The following CSMD1 variants were observed in gnomAD, a reference collection of about 807,000 sequenced individuals.
CSMD1 encodes the protein CUB and Sushi multiple domains 1.
A neutral mutation model predicts 417.5 loss-of-function variants in CSMD1; 213 were observed. The ratio of observed to expected loss-of-function variants is 0.51; its 90% CI spans 0.46 to 0.57. CSMD1 has a LOEUF of 0.57. CSMD1 is among the 20% of genes least tolerant of loss of function. The pLI, the probability that CSMD1 is intolerant of heterozygous loss-of-function variation, is 0.00. For missense variants in CSMD1, 6,923 were observed against 4,529.7 expected (o/e 1.53, Z -15.17); for synonymous variants, 2,862 against 1,736.8 (o/e 1.65, Z -16.11).
intron 49 of CSMD1, among the ~76,000 whole-genome samples, chr8:3,071,423 G>A (rs896159575): frequency 3.9e-5 from 6 of 152,054 alleles, no homozygotes. Flanking sequence ...AACCAAGATG[G>A]TGAGTTGACA....
chr8:4,780,672 A>T (rs190018074), intron 1 of CSMD1, among the ~76,000 whole-genome samples: 12 of 152,226 alleles, frequency 7.9e-5, no homozygotes, highest in Admixed American at 7.9e-4. Context: ...CCATCACCCG[A>T]GTGGTATACA....
chr8:2,997,814 C>T (rs539409923), intron 54 of CSMD1, among the ~76,000 whole-genome samples, 197 bp downstream of exon 54: 2 of 152,262 alleles, frequency 1.3e-5, no homozygotes, highest in East Asian at 3.9e-4. Flanking sequence ...CGTAATTGAA[C>T]ATCTGGCCAC....
rs148464375 is a variant in CSMD1, at chr8:4,970,858, A to AT, written c.85+23473dup. On this transcript the variant is annotated intron_variant, in intron 1 of 69. Transcript: ENST00000635120. ...AATCAAAGTATGGTAGATTTTGAAA[A>AT]TTTTTTCAGTATTTTATTAAGAAAG... Among the ~76,000 whole-genome samples, 881 of 152,096 alleles carry AT rather than the reference A, an allele frequency of 5.8e-3. 8 individuals are homozygous for AT. Among genetic ancestry groups the AT allele is most frequent in the African/African-American group, 0.02 (847 of 41,520 alleles).
At chr8:4,700,460 A>C (rs1807451558) in intron 1 of CSMD1, among the ~76,000 whole-genome samples, 10 of 152,170 alleles carry the variant, frequency 6.6e-5, no homozygotes, top group Admixed American at 6.5e-4. Flanking sequence ...TTGCTTGGAA[A>C]CAACCTGCAT....
chr8:3,495,050 A>G (rs947833197), intron 10 of CSMD1, among the ~76,000 whole-genome samples: 2 of 152,224 alleles, frequency 1.3e-5, no homozygotes, highest in Non-Finnish European at 2.9e-5. Context: ...TATAGCCATT[A>G]TAATTTATTT....
chr8:3,188,923 T>C lies in CSMD1; in HGVS notation c.5487A>G (p.Ile1829Met). Residue 1829 changes from isoleucine (I) to methionine (M), a missense_variant, in exon 35 of 70, where the codon ATA becomes ATG. Physicochemically the swap from Ile to Met is conservative, Grantham distance 10. Coordinates refer to ENST00000635120, the MANE Select transcript of CSMD1 (RefSeq NM_033225.6). The part of the protein sequence containing the change: ...PEPYGNNLNC[I>M]WKIIVTEGSG... ...AGCCCTCCGTAACTATGATCTTCCA[T>C]ATACAGTTCAAGTTGTTTCCGTATG... 6.2e-7 allele frequency: 1 copy of C among 1,605,982 alleles called. No homozygotes were observed. The highest frequency in any genetic ancestry group is 8.5e-7 in the Non-Finnish European group (1 of 1,176,062).
intron 5 of CSMD1, among the ~76,000 whole-genome samples, chr8:3,977,561 T>C (rs1050497437): frequency 8.5e-5 from 13 of 152,198 alleles, no homozygotes; most frequent in Admixed American, 7.9e-4. Flanking sequence ...TTTTTAATAC[T>C]TTGTGACTCT....
rs115205927 is a variant in CSMD1, at chr8:4,450,691, A to G, written c.303-30626T>C. 5.1e-3 allele frequency among the ~76,000 whole-genome samples: 773 copies of G among 152,334 alleles called. 5 individuals are homozygous for G. Among genetic ancestry groups the G allele is most frequent in the African/African-American group, 0.018 (752 of 41,580 alleles). ...CACTGTCTTGCACTGTATCCAATGT[A>G]TAACACATCACAGAGTTTTAATAAA... On this transcript the variant is annotated intron_variant, in intron 2 of 69. Transcript: ENST00000635120.
At chr8:4,794,849 C>A (rs1463947534) in intron 1 of CSMD1, among the ~76,000 whole-genome samples, 9 of 152,136 alleles carry the variant, frequency 5.9e-5, no homozygotes, top group Admixed American at 3.3e-4. Flanking sequence ...ACCTCCAAGA[C>A]AAGAACTGGA....
intron 3 of CSMD1, among the ~76,000 whole-genome samples, chr8:4,253,211 C>A (rs1024881231): frequency 1.3e-5 from 2 of 152,148 alleles, no homozygotes; most frequent in Non-Finnish European, 2.9e-5. Context: ...CCGCCCCATT[C>A]CTAGTTATCA....
At chr8:4,904,552 G>A in intron 1 of CSMD1, among the ~76,000 whole-genome samples, 1 of 151,968 alleles carries the variant, frequency 6.6e-6, no homozygotes, top group Non-Finnish European at 1.5e-5. Context: ...GTGGACACAT[G>A]GAGCCACAGA....
chr8:3,743,456 G>A (rs1423059278), intron 6 of CSMD1, among the ~76,000 whole-genome samples: 1 of 152,162 alleles, frequency 6.6e-6, no homozygotes, highest in Non-Finnish European at 1.5e-5. Flanking sequence ...GGAGACTTCT[G>A]AATAAGTAAT....
chr8:3,730,160 C>A (rs1472798984), intron 6 of CSMD1, among the ~76,000 whole-genome samples: 1 of 151,978 alleles, frequency 6.6e-6, no homozygotes, highest in East Asian at 1.9e-4. Flanking sequence ...GCTTCAAGTC[C>A]TTCCATTCCC....
intron 1 of CSMD1, among the ~76,000 whole-genome samples, chr8:4,847,492 T>A (rs1485490321): frequency 6.6e-6 from 1 of 152,218 alleles, no homozygotes; most frequent in East Asian, 1.9e-4. Context: ...ACTACCCCAC[T>A]ATTAACATGT....
chr8:3,949,717 G>A (rs998035561), intron 5 of CSMD1, among the ~76,000 whole-genome samples: 2 of 152,108 alleles, frequency 1.3e-5, no homozygotes, highest in African/African-American at 4.8e-5. Context: ...CCTGATTCAT[G>A]GTATGAGCAA....
chr8:3,705,106 A>C (rs535548152), intron 7 of CSMD1, among the ~76,000 whole-genome samples: 60 of 152,196 alleles, frequency 3.9e-4, no homozygotes, highest in Non-Finnish European at 7.6e-4. Flanking sequence ...GGCTACTTTC[A>C]AAGGCTCTGT....
At chr8:3,971,580 T>G (rs1813092250) in intron 5 of CSMD1, among the ~76,000 whole-genome samples, 1 of 152,142 alleles carries the variant, frequency 6.6e-6, no homozygotes, top group Non-Finnish European at 1.5e-5. Context: ...ATACCATAAT[T>G]TTGTAGAATA....
At chr8:3,347,593 C>G (rs1186952156) in intron 22 of CSMD1, among the ~76,000 whole-genome samples, 1 of 152,158 alleles carries the variant, frequency 6.6e-6, no homozygotes, top group Non-Finnish European at 1.5e-5. Context: ...GATCCTGCAA[C>G]TTTTAATAAT....
At chr8:4,428,381 A>G (rs1355071762) in intron 2 of CSMD1, among the ~76,000 whole-genome samples, 1 of 152,190 alleles carries the variant, frequency 6.6e-6, no homozygotes, top group Non-Finnish European at 1.5e-5. Context: ...GTAGCTTGTT[A>G]TCTTCCTTGT....
Sources: gnomAD v4.1 joint callset for allele counts (sites outside exome capture counted in the v4.1 genomes callset) on GRCh38, gnomAD v4.1.1 for gene constraint, MANE v1.5 for transcripts, NCBI Gene and HGNC (gene_info 2026-07-23, HGNC 2026-07-21) for gene names.